ZAN: variants seen among roughly 807,000 people sequenced by gnomAD.
ZAN encodes zonadhesin, also known as zonadhesin (gene/pseudogene).
ZAN carries 260 observed loss-of-function variants against 286.2 expected under a neutral mutation model. That is an observed-to-expected ratio of 0.91 (90% CI 0.82 to 1.01). The LOEUF is 1.01. Among genes scored for constraint, ZAN ranks in the 50% least tolerant of loss-of-function variants. The pLI, the probability that ZAN is intolerant of heterozygous loss-of-function variation, is 0.00. For missense variants in ZAN, 3,410 were observed against 3,639.2 expected, an observed-to-expected ratio of 0.94 and a Z score of 1.62; for synonymous variants, 1,368 against 1,417.5, an observed-to-expected ratio of 0.97 and a Z score of 0.79.
intron 11 of ZAN, among the ~76,000 whole-genome samples, chr7:100,749,663 T>TTA (rs1808498164): frequency 7.5e-6 from 1 of 133,338 alleles, no homozygotes; most frequent in Non-Finnish European, 1.6e-5. Context: ...TATATATATA[T>TTA]ATATATATAT....
chr7:100,764,343 A>T, intron 22 of ZAN, 147 bp downstream of exon 22: 1 of 1,010,290 alleles, frequency 9.9e-7, no homozygotes, highest in Non-Finnish European at 1.4e-6. Context: ...AAACATACCA[A>T]AATTAGCCAG....
At chr7:100,748,099 T>A in intron 9 of ZAN, 38 bp from the exon 10 acceptor site, 1 of 1,574,234 alleles carries the variant, frequency 6.4e-7, no homozygotes, top group Non-Finnish European at 8.7e-7. Context: ...GGGTGTGGGC[T>A]GTGTGCTCAC....
chr7:100,787,976 T>A lies in ZAN; in HGVS notation c.7067T>A (p.Val2356Asp), dbSNP rs762009417. Reference protein sequence around the residue: ...SYRLQGRMTYVLIKTVDVLPE... With the variant: ...SYRLQGRMTYDLIKTVDVLPE... ...CGCTTGCAAGGCCGCATGACCTATG[T>A]TCTGATCAAGACTGTGGACGTACTG... Residue 2356 changes from valine to aspartate, a missense_variant, in exon 38 of 48, where the codon GTT (valine) becomes GAT (aspartate). Physicochemically the swap from Val to Asp is radical, Grantham distance 152. This residue lies in a region of ZAN where 1,289 missense variants were observed against 1,314.3 expected (regional missense o/e 0.98). Transcript: ENST00000613979. The A allele has an allele frequency of 2.3e-6, 3 of 1,333,174 alleles. No homozygotes were observed. Among genetic ancestry groups the A allele is most frequent in the Non-Finnish European group, 3.2e-6 (3 of 938,234 alleles). The allele number at this position is 1,333,174 out of a possible 1,614,324, so 82.6% of individuals were successfully genotyped here. A position where few individuals can be genotyped will look rare whatever the true frequency, so the allele number is the denominator to read the frequency against.
intron 7 of ZAN, among the ~76,000 whole-genome samples, chr7:100,743,731 G>A (rs909588897): frequency 2.6e-5 from 4 of 151,238 alleles, no homozygotes; most frequent in African/African-American, 9.8e-5. Flanking sequence ...ACAAAAATTA[G>A]CCCAGTGTGG....
At chr7:100,775,258 G>C in intron 31 of ZAN, 70 bp from the exon 32 acceptor site, 1 of 1,548,894 alleles carries the variant, frequency 6.5e-7, no homozygotes, top group East Asian at 2.3e-5. Flanking sequence ...GAGAACCCAG[G>C]ACTAGTTTCC....
intron 27 of ZAN, 60 bp from the exon 28 acceptor site, chr7:100,769,820 T>C: frequency 1.4e-6 from 2 of 1,468,008 alleles, no homozygotes; most frequent in Non-Finnish European, 1.9e-6. Flanking sequence ...GTGCTGGGAT[T>C]ATAGGCATGA....
At chr7:100,791,864 A>G in intron 40 of ZAN, 102 bp from the exon 41 acceptor site, 15 of 1,374,048 alleles carry the variant, frequency 1.1e-5, no homozygotes, top group Non-Finnish European at 1.5e-5. Context: ...GGTAGCTGGG[A>G]CTCCAGGCAG....
Position 100,751,738 on chromosome 7 carries a change from G to C in ZAN, c.1633G>C (p.Val545Leu). The change falls in exon 14 of 48, where the codon GTA becomes CTA. Residue 545 changes from valine to leucine, a missense_variant. By Grantham distance (32) the Val-to-Leu change is conservative. Transcript: ENST00000613979. ...AAAAGTGCTACCAGAGCTTCCTCCC[G>C]TATCTCCAGTTTCTTCCACTGGCCC... ...PVKVLPELPPVSPVSSTGPSE... is the reference protein window; with the variant it reads ...PVKVLPELPPLSPVSSTGPSE... 1 of 1,587,714 alleles carries C rather than the reference G, an allele frequency of 6.3e-7. No homozygotes were observed. The highest frequency in any genetic ancestry group is 8.5e-7 in the Non-Finnish European group (1 of 1,172,584).
chr7:100,797,499 G>A (rs1381442883), intron 46 of ZAN, 34 bp downstream of exon 46: 1 of 1,613,722 alleles, frequency 6.2e-7, no homozygotes, highest in Non-Finnish European at 8.5e-7. Flanking sequence ...AAGGGCGGGT[G>A]GGGTGTGCAA....
chr7:100,758,448 C>T (rs954689982), intron 16 of ZAN, 83 bp from the exon 17 acceptor site: 77 of 1,562,804 alleles, frequency 4.9e-5, no homozygotes, highest in African/African-American at 8.1e-5. Flanking sequence ...GGCCTGCCAC[C>T]GGGCAGCGGG....
At position 100,736,382 on chromosome 7, in the gene ZAN, C is replaced by T. The variant is rs1202863655; in HGVS notation, c.107-101C>T. The T allele has an allele frequency of 6.1e-6, 8 of 1,305,576 alleles. 1 individual carries two copies. The African/African-American group carries it at 1.0e-4, about 17-fold the overall frequency. 80.9% of individuals were successfully genotyped at this position (1,305,576 alleles called of 1,614,324 possible). ...CCACACCCGGCTGATTTCATGGCAGCTTTCTCTAAGTGTAGCAATCTTGCT... is the reference window on the plus strand; with the variant it reads ...CCACACCCGGCTGATTTCATGGCAGTTTTCTCTAAGTGTAGCAATCTTGCT... On this transcript the variant is annotated intron_variant, in intron 3 of 47. Coordinates refer to ENST00000613979, the MANE Select transcript of ZAN (RefSeq NM_003386.3).
chr7:100,773,928 A>T, intron 31 of ZAN, 63 bp downstream of exon 31: 1 of 1,543,596 alleles, frequency 6.5e-7, no homozygotes, highest in Non-Finnish European at 8.8e-7. Context: ...CAACTCCCCA[A>T]CAGACTCCCT....
intron 15 of ZAN, among the ~76,000 whole-genome samples, chr7:100,757,120 C>T (rs1201011588): frequency 6.6e-6 from 1 of 151,824 alleles, no homozygotes; most frequent in Non-Finnish European, 1.5e-5. Context: ...TTATTTAGTA[C>T]TTTCTTCAAA....
At chr7:100,751,588 G>A in intron 13 of ZAN, 124 bp from the exon 14 acceptor site, 12 of 1,076,878 alleles carry the variant, frequency 1.1e-5, no homozygotes, top group Non-Finnish European at 1.6e-5. Flanking sequence ...GAAGGTTGGG[G>A]TTTGGGAGTA....
At chr7:100,749,866 C>T (rs1291351091) in intron 11 of ZAN, among the ~76,000 whole-genome samples, 2 of 150,482 alleles carry the variant, frequency 1.3e-5, no homozygotes, top group African/African-American at 2.4e-5. Context: ...GCCTGGCCAA[C>T]ATGGTGAAAC....
intron 9 of ZAN, 82 bp from the exon 10 acceptor site, chr7:100,748,055 C>A: frequency 8.6e-7 from 1 of 1,156,458 alleles, no homozygotes; most frequent in Non-Finnish European, 1.3e-6. Flanking sequence ...GATTCTGGGT[C>A]CTGGAATGGA....
chr7:100,747,498 C>T (rs1229762332), intron 8 of ZAN, 52 bp from the exon 9 acceptor site: 47 of 1,517,808 alleles, frequency 3.1e-5, no homozygotes, highest in South Asian at 3.0e-4. Context: ...AGTTCAAAGT[C>T]GTTTCCCAGT....
In ZAN at chr7:100,746,605, C is replaced by T. The variant is rs200975528; in HGVS notation, c.834C>T (p.Pro278=). 15 of 1,614,010 alleles carry T rather than the reference C, an allele frequency of 9.3e-6. No individual in the cohort carries two copies. The East Asian group carries it at 1.8e-4, about 19-fold the overall frequency. ...GGCAGAAAGCTGTCCTCCTGAGCCC[C>T]GTGAGCCTGTCCTCTGGCTGTCTGA... The part of the protein sequence containing the change: ...RPGQKAVLLS[P]VSLSSGCLSF... The change falls in exon 8 of 48, where the codon CCC becomes CCT. Residue 278 remains proline (P), a synonymous_variant. Coordinates refer to ENST00000613979, the MANE Select transcript of ZAN (RefSeq NM_003386.3).
rs755519796 is a variant in ZAN, at chr7:100,795,255, A to G, written c.8185A>G (p.Thr2729Ala). 6.2e-7 allele frequency: 1 copy of G among 1,611,134 alleles called. No homozygotes were observed. ...NDGQCREQGA[T>A]FTCECEVGYG... ...CGGGCAGTGTCGGGAGCAGGGAGCC[A>G]CCTTCACCTGCGAGTGTGAAGTTGG... Residue 2729 changes from threonine (T) to alanine (A), a missense_variant, in exon 45 of 48, where the codon ACC becomes GCC. Physicochemically the swap from Thr to Ala is moderately conservative, Grantham distance 58. Transcript: ENST00000613979.
Sources: gnomAD v4.1 joint callset for allele counts (sites outside exome capture counted in the v4.1 genomes callset) on GRCh38, gnomAD v4.1.1 for gene constraint, gnomAD v4.1.1 regional missense constraint, MANE v1.5 for transcripts, NCBI Gene and HGNC (gene_info 2026-07-23, HGNC 2026-07-21) for gene names.